The following ENPEP variants were observed in gnomAD, a reference collection of about 807,000 sequenced individuals.
The protein encoded by ENPEP is AP-A.
Under a neutral mutation model 114.5 loss-of-function variants are expected in ENPEP, and 103 were observed. The observed-to-expected ratio is 0.90, with a 90% CI of 0.77 to 1.06. The LOEUF (loss-of-function observed/expected upper bound fraction) is 1.06, where lower values mean the gene tolerates loss of function less well. ENPEP is among the 50% of genes least tolerant of loss of function. ENPEP has a pLI of 0.00. For synonymous variants in ENPEP, 420 were observed against 422.0 expected, an observed-to-expected ratio of 1.00 and a Z score of 0.06; for missense variants, 1,196 against 1,161.3, an observed-to-expected ratio of 1.03 and a Z score of -0.43.
At position 110,561,588 on chromosome 4, in the gene ENPEP, G is replaced by A; in HGVS notation, c.*30G>A. On this transcript the variant is annotated 3_prime_UTR_variant, in exon 20 of 20. Transcript: ENST00000265162. ...TTCAAATGTTAGAGTTTAATTTTGT[G>A]AATCTATTGTTTCTCCTCTGAAGCA... 2 of 1,596,678 alleles carry A rather than the reference G, an allele frequency of 1.3e-6. No homozygotes were observed. The highest frequency in any genetic ancestry group is 1.7e-6 in the Non-Finnish European group (2 of 1,172,314).
intron 3 of ENPEP, among the ~76,000 whole-genome samples, chr4:110,500,815 T>C (rs923580101): frequency 2.0e-5 from 3 of 152,120 alleles, no homozygotes; most frequent in Non-Finnish European, 4.4e-5. Context: ...TTGCCTGAAC[T>C]TTATCATGTA....
chr4:110,478,529 A>G (rs1724196776), intron 1 of ENPEP, among the ~76,000 whole-genome samples: 2 of 152,236 alleles, frequency 1.3e-5, no homozygotes, highest in African/African-American at 4.8e-5. Context: ...TAATTGCATT[A>G]TATCTGTCTA....
In ENPEP at chr4:110,520,321, T is replaced by C. The variant is rs1488718422; in HGVS notation, c.1682T>C (p.Leu561Ser). 10 of 1,614,126 alleles carry C rather than the reference T, an allele frequency of 6.2e-6. No homozygotes were observed. Among genetic ancestry groups the C allele is most frequent in the Non-Finnish European group, 8.5e-6 (10 of 1,179,972 alleles). Reference protein sequence around the residue: ...GVKNITQKRFLLDPRANPSQP... With the variant: ...GVKNITQKRFSLDPRANPSQP... ...AAGAACATCACACAGAAACGCTTTT[T>C]GTTGGACCCAAGAGCTAACCCTTCT... Residue 561 changes from leucine (L) to serine (S), a missense_variant, in exon 10 of 20, where the codon TTG becomes TCG. Transcript: ENST00000265162.
intron 3 of ENPEP, among the ~76,000 whole-genome samples, chr4:110,504,240 A>C (rs1313200292): frequency 2.0e-5 from 3 of 152,146 alleles, no homozygotes; most frequent in African/African-American, 7.2e-5. Flanking sequence ...TGTGGGCCCA[A>C]GCCAAGGGCC....
chr4:110,543,033 C>A lies in ENPEP; in HGVS notation c.1963C>A (p.Arg655Ser). Residue 655 changes from arginine to serine, a missense_variant, in exon 13 of 20, where the codon CGT becomes AGT. Transcript: ENST00000265162. ...LNHKTFSSAD[R>S]ASLIDDAFAL... Reference sequence around the variant, plus strand: ...TTCCCAGACATTTTCTTCAGCAGATCGTGCAAGTCTTATTGATGATGCTTT... The same window carrying A: ...TTCCCAGACATTTTCTTCAGCAGATAGTGCAAGTCTTATTGATGATGCTTT... 6.2e-7 allele frequency: 1 copy of A among 1,613,060 alleles called. No homozygotes were observed. The highest frequency in any genetic ancestry group is 8.5e-7 in the Non-Finnish European group (1 of 1,179,306).
At position 110,537,454 on chromosome 4, in the gene ENPEP, A is replaced by G. The variant is rs138222752; in HGVS notation, c.1808-5297A>G. Reference sequence around the variant, plus strand: ...GCAACTCCTCACCTATTCAAGTTTTATCATGAGATAGCAACAATTCAGATA... The same window carrying G: ...GCAACTCCTCACCTATTCAAGTTTTGTCATGAGATAGCAACAATTCAGATA... On this transcript the variant is annotated intron_variant, in intron 11 of 19. Coordinates refer to ENST00000265162, the MANE Select transcript of ENPEP (RefSeq NM_001977.4). Among the ~76,000 whole-genome samples, 457 of 152,344 alleles carry G rather than the reference A, an allele frequency of 3.0e-3. 3 individuals carry two copies. Among genetic ancestry groups the G allele is most frequent in the African/African-American group, 0.01 (436 of 41,586 alleles).
At chr4:110,552,435 G>T (rs534093578) in intron 17 of ENPEP, among the ~76,000 whole-genome samples, 2 of 152,242 alleles carry the variant, frequency 1.3e-5, no homozygotes, top group South Asian at 2.1e-4. Flanking sequence ...TTTGACAAAG[G>T]CTGACTCTCA....
chr4:110,542,372 T>C (rs1412473925), intron 11 of ENPEP, among the ~76,000 whole-genome samples: 3 of 152,108 alleles, frequency 2.0e-5, no homozygotes, highest in Non-Finnish European at 2.9e-5. Flanking sequence ...ATCAATCCAT[T>C]ATGATTAGGG....
At chr4:110,489,065 A>ATATTTTTTTTTTTT (rs1488304197) in intron 2 of ENPEP, among the ~76,000 whole-genome samples, 2 of 152,204 alleles carry the variant, frequency 1.3e-5, no homozygotes, top group East Asian at 3.8e-4. Flanking sequence ...ATATAAATCC[A>ATATTTTTTTTTTTT]GTTTTTGTTT....
At chr4:110,492,190 A>G (rs1724749717) in intron 3 of ENPEP, among the ~76,000 whole-genome samples, 1 of 152,154 alleles carries the variant, frequency 6.6e-6, no homozygotes, top group African/African-American at 2.4e-5. Context: ...TCTTTGCAAT[A>G]TAATTTTATA....
chr4:110,497,868 T>C (rs1725000613), intron 3 of ENPEP, among the ~76,000 whole-genome samples: 1 of 152,210 alleles, frequency 6.6e-6, no homozygotes, highest in African/African-American at 2.4e-5. Flanking sequence ...TCCTTTCAAC[T>C]AAGTACCCTC....
chr4:110,487,901 A>C (rs1410771119), intron 1 of ENPEP, among the ~76,000 whole-genome samples: 12 of 152,218 alleles, frequency 7.9e-5, no homozygotes, highest in Admixed American at 7.9e-4. Context: ...AGAGCCATAA[A>C]AAAAAATGCT....
intron 1 of ENPEP, among the ~76,000 whole-genome samples, chr4:110,482,874 T>A (rs1451628495): frequency 6.6e-6 from 1 of 152,080 alleles, no homozygotes; most frequent in Non-Finnish European, 1.5e-5. Context: ...CCGGGGGTAG[T>A]GGCACATGCC....
In ENPEP at chr4:110,549,531, A is replaced by ACTCCGTTC; in HGVS notation, c.2236_2243dup (p.Leu749ProfsTer4). 2 of 1,613,310 alleles carry ACTCCGTTC rather than the reference A, an allele frequency of 1.2e-6. No homozygotes were observed. The highest frequency in any genetic ancestry group is 8.5e-7 in the Non-Finnish European group (1 of 1,179,572). ...TTGTGTTTGTTTGTTTTTTAAGGTT[A>ACTCCGTTC]CTCCGTTCCTCCGTGTTAGGGTTTG... On this transcript the variant is annotated frameshift_variant, in exon 16 of 20. Coordinates refer to ENST00000265162, the MANE Select transcript of ENPEP (RefSeq NM_001977.4). LOFTEE classifies it high-confidence loss of function.
At chr4:110,543,647 A>AT (rs543425408) in intron 13 of ENPEP, among the ~76,000 whole-genome samples, 36 of 148,956 alleles carry the variant, frequency 2.4e-4, no homozygotes, top group South Asian at 6.4e-4. Context: ...TGGTACCTCT[A>AT]TTTTTTTTTT....
chr4:110,497,140 ATGTCCACAACAACTGTTAT>A (rs1724974744), intron 3 of ENPEP, among the ~76,000 whole-genome samples: 1 of 152,192 alleles, frequency 6.6e-6, no homozygotes, highest in Non-Finnish European at 1.5e-5. Context: ...TCCCCAGTGG[ATGTCCACAACAACTGTTAT>A]TGTGGTGTTC....
intron 1 of ENPEP, 38 bp downstream of exon 1, chr4:110,477,096 C>T (rs11734805): frequency 1.3e-6 from 2 of 1,580,020 alleles, no homozygotes; most frequent in Non-Finnish European, 8.6e-7. Context: ...CTTAAGCTCA[C>T]ATATCTGCTT....
chr4:110,548,139 G>GTTTTTTTTTTTTTTTTT (rs3042468), intron 13 of ENPEP, 37 bp from the exon 14 acceptor site: 10 of 692,118 alleles, frequency 1.4e-5, no homozygotes, highest in African/African-American at 4.9e-5. Context: ...TTAACTGTGA[G>GTTTTTTTTTTTTTTTTT]TTTTTTTTTT....
intron 11 of ENPEP, among the ~76,000 whole-genome samples, chr4:110,539,516 A>G (rs1487061179): frequency 2.0e-5 from 3 of 152,224 alleles, no homozygotes; most frequent in East Asian, 3.9e-4. Flanking sequence ...TTTGCATGTC[A>G]TTAGTTAAAA....
Sources: gnomAD v4.1 joint callset for allele counts (sites outside exome capture counted in the v4.1 genomes callset) on GRCh38, gnomAD v4.1.1 for gene constraint, MANE v1.5 for transcripts, NCBI Gene and HGNC (gene_info 2026-07-23, HGNC 2026-07-21) for gene names.